Variants in GTF2A1L observed in about 807,000 individuals in gnomAD.
GTF2A1L encodes the protein general transcription factor IIA subunit 1 like, also known as TFIIA-alpha and beta-like factor.
Under a neutral mutation model 49.7 loss-of-function variants are expected in GTF2A1L, and 48 were observed. The ratio of observed to expected loss-of-function variants is 0.97; its 90% CI spans 0.77 to 1.23. The LOEUF is 1.23. Ranked by LOEUF, GTF2A1L falls within the 50% of genes most tolerant of loss-of-function variation. GTF2A1L has a pLI of 0.00. For synonymous variants in GTF2A1L, 246 were observed against 193.5 expected (o/e 1.27, Z -2.25); for missense variants, 736 against 564.8 (o/e 1.30, Z -3.07).
At position 48,679,601 on chromosome 2, in the gene GTF2A1L, A is replaced by G. The variant is rs1430627952; in HGVS notation, c.*159A>G. The G allele has an allele frequency of 2.5e-5, 34 of 1,385,854 alleles. No homozygotes were observed. Among genetic ancestry groups the G allele is most frequent in the Middle Eastern group, 2.5e-4 (1 of 4,024 alleles). 85.8% of individuals were successfully genotyped at this position (1,385,854 alleles called of 1,614,324 possible). A position where few individuals can be genotyped will look rare whatever the true frequency, so the allele number is the denominator to read the frequency against. On this transcript the variant is annotated 3_prime_UTR_variant, in exon 9 of 9. Transcript: ENST00000403751. ...AAATTATAATTCAGATGCAGATACA[A>G]TTACACAATTTTATATGTATTTTGT...
chr2:48,652,439 A>G (rs1307391882), intron 6 of GTF2A1L, among the ~76,000 whole-genome samples: 1 of 151,834 alleles, frequency 6.6e-6, no homozygotes, highest in Non-Finnish European at 1.5e-5. Flanking sequence ...AACGTGGTGA[A>G]AACTCGTCTC....
At position 48,628,814 on chromosome 2, in the gene GTF2A1L, C is replaced by G. The variant is rs773824342; in HGVS notation, c.247+7524C>G. Reference sequence around the variant, plus strand: ...AAGGCCGATTTCTAGAATGGTGTTTCCTAGGTTTTCTTCTAGGATTCTTAT... The same window carrying G: ...AAGGCCGATTTCTAGAATGGTGTTTGCTAGGTTTTCTTCTAGGATTCTTAT... On this transcript the variant is annotated intron_variant, in intron 3 of 8. Coordinates refer to ENST00000403751, the MANE Select transcript of GTF2A1L (RefSeq NM_006872.5). Among the ~76,000 whole-genome samples the G allele has an allele frequency of 1.4e-5, 2 of 143,874 alleles. 1 individual carries two copies. The highest frequency in any genetic ancestry group is 3.1e-5 in the Non-Finnish European group (2 of 63,920). 94.4% of individuals were successfully genotyped at this position (143,874 alleles called of 152,430 possible). A position where few individuals can be genotyped will look rare whatever the true frequency, so the allele number is the denominator to read the frequency against.
intron 6 of GTF2A1L, among the ~76,000 whole-genome samples, chr2:48,666,218 T>C (rs1230107746): frequency 6.6e-6 from 1 of 151,872 alleles, no homozygotes; most frequent in Non-Finnish European, 1.5e-5. Context: ...TTTCTTTTTT[T>C]TTTTTGAGAT....
rs773991503 is a variant in GTF2A1L, at chr2:48,671,634, C to T, written c.1283C>T (p.Pro428Leu). The T allele has an allele frequency of 1.2e-6, 2 of 1,613,586 alleles. No homozygotes were observed. The highest frequency in any genetic ancestry group is 1.7e-6 in the Non-Finnish European group (2 of 1,179,690). ...GATGATGTTAGTGAACAGGATGTGC[C>T]AGACCTGTTTGACACGGATAATGTT... Reference protein sequence around the residue: ...SGDDVSEQDVPDLFDTDNVIV... With the variant: ...SGDDVSEQDVLDLFDTDNVIV... Residue 428 changes from proline (P) to leucine (L), a missense_variant, in exon 8 of 9, where the codon CCA becomes CTA. Physicochemically the swap from Pro to Leu is moderately conservative, Grantham distance 98. Coordinates refer to ENST00000403751, the MANE Select transcript of GTF2A1L (RefSeq NM_006872.5).
In GTF2A1L at chr2:48,646,948, A is replaced by T; in HGVS notation, c.884A>T (p.Gln295Leu). 4 of 1,614,170 alleles carry T rather than the reference A, an allele frequency of 2.5e-6. No homozygotes were observed. The highest frequency in any genetic ancestry group is 3.3e-4 in the Middle Eastern group (2 of 6,062). ...CTCCACCAGCACGTGACTGATATTC[A>T]GCTTCATATTCTTAAAAATAGGATG... ...GALHQHVTDIQLHILKNRMYG... is the reference protein window; with the variant it reads ...GALHQHVTDILLHILKNRMYG... The change falls in exon 6 of 9, where the codon CAG becomes CTG. Residue 295 changes from glutamine to leucine, a missense_variant. Transcript: ENST00000403751.
In GTF2A1L at chr2:48,645,109, C is replaced by G; in HGVS notation, c.380C>G (p.Thr127Ser). Residue 127 changes from threonine to serine, a missense_variant, in exon 5 of 9, where the codon ACT becomes AGT. Physicochemically the swap from Thr to Ser is moderately conservative, Grantham distance 58 (BLOSUM62 1). Transcript: ENST00000403751. ...IHVPAGVTLQTVSGHLYKVNV... is the reference protein window; with the variant it reads ...IHVPAGVTLQSVSGHLYKVNV... ...GTACCAGCAGGTGTGACACTACAGA[C>G]TGTATCTGGTGAGAGTATATTCTAA... 3 of 1,609,208 alleles carry G rather than the reference C, an allele frequency of 1.9e-6. No homozygotes were observed. Among genetic ancestry groups the G allele is most frequent in the East Asian group, 2.2e-5 (1 of 44,640 alleles).
intron 6 of GTF2A1L, among the ~76,000 whole-genome samples, chr2:48,662,476 A>C (rs1678567059): frequency 1.3e-5 from 2 of 152,126 alleles, no homozygotes; most frequent in Admixed American, 1.3e-4. Context: ...TTTATCTAGG[A>C]ATGTCTTAAT....
intron 6 of GTF2A1L, among the ~76,000 whole-genome samples, chr2:48,668,006 C>T (rs916795367): frequency 6.6e-6 from 1 of 152,138 alleles, no homozygotes; most frequent in Admixed American, 6.5e-5. Context: ...CCAAGACTTT[C>T]CAGGCTGATA....
At chr2:48,639,189 G>A (rs910573610) in intron 3 of GTF2A1L, among the ~76,000 whole-genome samples, 4 of 152,050 alleles carry the variant, frequency 2.6e-5, no homozygotes, top group African/African-American at 9.7e-5. Flanking sequence ...TCACAGAGCT[G>A]GAAAACACTA....
At chr2:48,655,385 C>A (rs2056581) in intron 6 of GTF2A1L, among the ~76,000 whole-genome samples, 2 of 151,758 alleles carry the variant, frequency 1.3e-5, no homozygotes, top group East Asian at 1.9e-4. Context: ...CAGACAGAGT[C>A]TCACTGTGTT....
chr2:48,619,913 A>T (rs79960130), intron 1 of GTF2A1L, among the ~76,000 whole-genome samples: 4,023 of 152,262 alleles, frequency 0.026, 157 homozygotes, highest in African/African-American at 0.09. Flanking sequence ...CACACTGTGG[A>T]TGGGTAAGGT....
At chr2:48,626,170 CA>C (rs1676280515) in intron 3 of GTF2A1L, among the ~76,000 whole-genome samples, 1 of 144,058 alleles carries the variant, frequency 6.9e-6, no homozygotes, top group African/African-American at 2.5e-5. Flanking sequence ...TGTTGAAAAT[CA>C]GTTGACCATA....
At chr2:48,646,195 G>T (rs112321026) in intron 5 of GTF2A1L, among the ~76,000 whole-genome samples, 2 of 151,826 alleles carry the variant, frequency 1.3e-5, no homozygotes, top group Non-Finnish European at 2.9e-5. Context: ...CTCAAAGTGT[G>T]CCATAAAAGC....
intron 5 of GTF2A1L, among the ~76,000 whole-genome samples, chr2:48,646,249 A>T (rs185410239): frequency 1.3e-5 from 2 of 152,118 alleles, no homozygotes; most frequent in Admixed American, 1.3e-4. Context: ...ATATGTAATT[A>T]AAAAAATAAG....
At chr2:48,625,457 A>G (rs1396244430) in intron 3 of GTF2A1L, among the ~76,000 whole-genome samples, 2 of 144,498 alleles carry the variant, frequency 1.4e-5, no homozygotes, top group African/African-American at 4.9e-5. Context: ...TATTTTGGAT[A>G]TTAAGCCCTT....
intron 3 of GTF2A1L, among the ~76,000 whole-genome samples, chr2:48,633,894 TTTG>T (rs1676730237): frequency 3.1e-5 from 1 of 32,188 alleles, no homozygotes; most frequent in African/African-American, 6.5e-5. Flanking sequence ...AATGGCCTTC[TTTG>T]TTTTTTATTG....
intron 3 of GTF2A1L, among the ~76,000 whole-genome samples, chr2:48,623,381 C>G (rs930478134): frequency 6.6e-6 from 1 of 152,018 alleles, no homozygotes; most frequent in African/African-American, 2.4e-5. Context: ...AATGAGATAC[C>G]GTCTCACACT....
Position 48,627,211 on chromosome 2 carries a change from G to A in GTF2A1L, c.247+5921G>A, listed in dbSNP as rs190421614. ...AGATACATAGTTGGAAAAAAGGGAA[G>A]CATTTTAATAGTATTTTCAGATAAT... On this transcript the variant is annotated intron_variant, in intron 3 of 8. Coordinates refer to ENST00000403751, the MANE Select transcript of GTF2A1L (RefSeq NM_006872.5). 4.2e-5 allele frequency among the ~76,000 whole-genome samples: 6 copies of A among 144,122 alleles called. 1 individual carries two copies. Among genetic ancestry groups the A allele is most frequent in the African/African-American group, 1.5e-4 (6 of 40,594 alleles). 94.5% of individuals were successfully genotyped at this position (144,122 alleles called of 152,430 possible).
intron 3 of GTF2A1L, among the ~76,000 whole-genome samples, chr2:48,638,604 C>T (rs1677034301): frequency 6.6e-6 from 1 of 152,108 alleles, no homozygotes; most frequent in African/African-American, 2.4e-5. Context: ...TATGACAAAC[C>T]TACAGCCAAC....
Sources: gnomAD v4.1 joint callset for allele counts (sites outside exome capture counted in the v4.1 genomes callset) on GRCh38, gnomAD v4.1.1 for gene constraint, MANE v1.5 for transcripts, NCBI Gene and HGNC (gene_info 2026-07-23, HGNC 2026-07-21) for gene names.